The following MOCS2 variants were observed in gnomAD, a reference collection of about 807,000 sequenced individuals.
The protein encoded by MOCS2 is molybdenum cofactor synthesis 2.
A neutral mutation model predicts 21.9 loss-of-function variants in MOCS2; 13 were observed. The observed-to-expected ratio is 0.59, with a 90% CI of 0.39 to 0.94. The LOEUF (loss-of-function observed/expected upper bound fraction) is 0.94. MOCS2 is among the 40% of genes least tolerant of loss of function. MOCS2 has a pLI of 0.00. For missense variants in MOCS2, 227 were observed against 218.3 expected, an observed-to-expected ratio of 1.04 and a Z score of -0.25; for synonymous variants, 92 against 80.8, an observed-to-expected ratio of 1.14 and a Z score of -0.74.
chr5:53,096,283 T>G lies in MOCS2; in HGVS notation c.*2319A>C, dbSNP rs1296447236. ...ATACATCATATCCAAAGGACAAAAA[T>G]GTCCACAAAATAAGTCACTCATTGA... On this transcript the variant is annotated 3_prime_UTR_variant, in exon 7 of 7. Coordinates refer to ENST00000396954, the MANE Select transcript of MOCS2 (RefSeq NM_004531.5). 1 of 152,198 alleles carries G rather than the reference T, an allele frequency of 6.6e-6. No homozygotes were observed. Among genetic ancestry groups the G allele is most frequent in the Non-Finnish European group, 1.5e-5 (1 of 68,030 alleles). The allele number at this position is 152,198 out of a possible 1,614,324, so 9.4% of individuals were successfully genotyped here.
chr5:53,107,167 C>A lies in MOCS2; in HGVS notation c.8G>T (p.Ser3Ile). Reference protein sequence around the residue: MSSLEISSSCFSL... With the variant: MSILEISSSCFSL... ...GAAGCACGAGGAGCTGATCTCCAAG[C>A]TCGACATATTCTTGACGAACAGCAA... is the stretch of plus-strand genomic sequence containing the variant. The change falls in exon 3 of 7, where the codon AGC becomes ATC. Residue 3 changes from serine to isoleucine, a missense_variant. Coordinates refer to ENST00000396954, the MANE Select transcript of MOCS2 (RefSeq NM_004531.5). 1 of 1,614,108 alleles carries A rather than the reference C, an allele frequency of 6.2e-7. No homozygotes were observed.
rs1740765070 is a variant in MOCS2 at position 53,097,187 on chromosome 5, T to G, written c.*1415A>C. On this transcript the variant is annotated 3_prime_UTR_variant, in exon 7 of 7. Coordinates refer to ENST00000396954, the MANE Select transcript of MOCS2 (RefSeq NM_004531.5). Reference sequence around the variant, plus strand: ...CCCTTCCAGTATCCTTCTGGCCCAATCTCTCCAGACGGACTAATGAACAAG... The same window carrying G: ...CCCTTCCAGTATCCTTCTGGCCCAAGCTCTCCAGACGGACTAATGAACAAG... The G allele has an allele frequency of 6.6e-6, 1 of 152,180 alleles. No individual in the cohort carries two copies. The highest frequency in any genetic ancestry group is 1.5e-5 in the Non-Finnish European group (1 of 68,086). The allele number at this position is 152,180 out of a possible 1,614,324, so 9.4% of individuals were successfully genotyped here. A position where few individuals can be genotyped will look rare whatever the true frequency, so the allele number is the denominator to read the frequency against.
At chr5:53,107,611 C>G (rs1741088302) in intron 2 of MOCS2, 1 of 194,874 alleles carries the variant, frequency 5.1e-6, no homozygotes, top group African/African-American at 2.4e-5. Flanking sequence ...CAAACTATGC[C>G]TGTACACATT....
Position 53,097,102 on chromosome 5 carries a change from A to G in MOCS2, c.*1500T>C, listed in dbSNP as rs1740758129. Reference sequence around the variant, plus strand: ...AGAGTGACACTGAACTGTGAAGGTAAGGCTGAGACCAAACAGGCAACCCGA... The same window carrying G: ...AGAGTGACACTGAACTGTGAAGGTAGGGCTGAGACCAAACAGGCAACCCGA... On this transcript the variant is annotated 3_prime_UTR_variant, in exon 7 of 7. Transcript: ENST00000396954. The G allele has an allele frequency of 6.6e-6, 1 of 152,284 alleles. No homozygotes were observed. Among genetic ancestry groups the G allele is most frequent in the South Asian group, 2.1e-4 (1 of 4,826 alleles). The allele number at this position is 152,284 out of a possible 1,614,324, so 9.4% of individuals were successfully genotyped here.
intron 5 of MOCS2, 37 bp from the exon 6 acceptor site, chr5:53,100,571 T>C: frequency 6.2e-7 from 1 of 1,609,910 alleles, no homozygotes; most frequent in Non-Finnish European, 8.5e-7. Context: ...ATCACCATCA[T>C]CTCTGAATCT....
intron 3 of MOCS2, among the ~76,000 whole-genome samples, chr5:53,102,717 C>T (rs1036709822): frequency 6.6e-6 from 1 of 151,956 alleles, no homozygotes. Flanking sequence ...GAGGCCGAGG[C>T]GGGTGGATCA....
At chr5:53,098,760 C>CAA in intron 6 of MOCS2, 93 bp from the exon 7 acceptor site, 1 of 911,636 alleles carries the variant, frequency 1.1e-6, no homozygotes, top group Non-Finnish European at 1.8e-6. Flanking sequence ...ATGAATATCA[C>CAA]ATCTATTTCA....
chr5:53,106,019 T>C (rs1001567572), intron 3 of MOCS2, among the ~76,000 whole-genome samples: 3 of 152,128 alleles, frequency 2.0e-5, no homozygotes, highest in Non-Finnish European at 4.4e-5. Flanking sequence ...CCAACCACAA[T>C]GAGATACCAT....
At chr5:53,099,869 T>G (rs1422200366) in intron 6 of MOCS2, among the ~76,000 whole-genome samples, 1 of 152,190 alleles carries the variant, frequency 6.6e-6, no homozygotes, top group Non-Finnish European at 1.5e-5. Context: ...AGTTGGGCCT[T>G]TTCATCCCAT....
intron 3 of MOCS2, among the ~76,000 whole-genome samples, chr5:53,102,520 T>G (rs1740941891): frequency 6.6e-6 from 1 of 151,272 alleles, no homozygotes; most frequent in Admixed American, 6.6e-5. Context: ...TCACCAAGAA[T>G]TCTCACTGGC....
intron 3 of MOCS2, 80 bp downstream of exon 3, chr5:53,106,997 T>C (rs990355485): frequency 2.6e-6 from 4 of 1,517,166 alleles, no homozygotes; most frequent in South Asian, 1.2e-5. Flanking sequence ...AGAATATACA[T>C]TAACAGCAAA....
chr5:53,101,980 G>A, intron 4 of MOCS2, 117 bp downstream of exon 4: 1 of 1,072,106 alleles, frequency 9.3e-7, no homozygotes, highest in South Asian at 1.4e-5. Context: ...ACCATCATCG[G>A]TAATCTTGGT....
rs1740800527 is a variant in MOCS2 at position 53,098,218 on chromosome 5, C to T, written c.*384G>A. 3 of 212,540 alleles carry T rather than the reference C, an allele frequency of 1.4e-5. No homozygotes were observed. The highest frequency in any genetic ancestry group is 1.1e-4 in the East Asian group (1 of 9,440). 13.2% of individuals were successfully genotyped at this position (212,540 alleles called of 1,614,324 possible). A position where few individuals can be genotyped will look rare whatever the true frequency, so the allele number is the denominator to read the frequency against. ...CTTAATAACAATGCTCTCCCAGAAC[C>T]GGGATGGGGGGCGGTGAGGTGGGGT... On this transcript the variant is annotated 3_prime_UTR_variant, in exon 7 of 7. Coordinates refer to ENST00000396954, the MANE Select transcript of MOCS2 (RefSeq NM_004531.5).
rs1740751831 is a variant in MOCS2 at position 53,096,888 on chromosome 5, A to G, written c.*1714T>C. The G allele has an allele frequency of 1.3e-5, 2 of 152,242 alleles. No individual in the cohort carries two copies. The highest frequency in any genetic ancestry group is 2.9e-5 in the Non-Finnish European group (2 of 68,038). 9.4% of individuals were successfully genotyped at this position (152,242 alleles called of 1,614,324 possible). On this transcript the variant is annotated 3_prime_UTR_variant, in exon 7 of 7. Coordinates refer to ENST00000396954, the MANE Select transcript of MOCS2 (RefSeq NM_004531.5). ...TTCTAAAGAAATATCTAAGTAGGAA[A>G]GTCTTGAAATCCACATATACCTATC... is the stretch of plus-strand genomic sequence containing the variant.
At chr5:53,104,804 A>C (rs548709948) in intron 3 of MOCS2, among the ~76,000 whole-genome samples, 119 of 152,274 alleles carry the variant, frequency 7.8e-4, no homozygotes, top group Middle Eastern at 3.4e-3. Context: ...TATGATATTT[A>C]CTCCTGATTT....
At position 53,108,558 on chromosome 5, in the gene MOCS2, A is replaced by G; in HGVS notation, c.-84T>C. On this transcript the variant is annotated 5_prime_UTR_variant, in exon 2 of 7. Transcript: ENST00000396954. Reference sequence around the variant, plus strand: ...AGTTTCTATCTCCTTCCACAGCTGCAACGCTTTTATTTCTTGAGGCACAGA... The same window carrying G: ...AGTTTCTATCTCCTTCCACAGCTGCGACGCTTTTATTTCTTGAGGCACAGA... 2 of 1,613,722 alleles carry G rather than the reference A, an allele frequency of 1.2e-6. No individual in the cohort carries two copies. The highest frequency in any genetic ancestry group is 3.3e-5 in the Admixed American group (2 of 59,998).
At chr5:53,099,846 G>A (rs928925019) in intron 6 of MOCS2, among the ~76,000 whole-genome samples, 2 of 152,158 alleles carry the variant, frequency 1.3e-5, no homozygotes, top group South Asian at 4.2e-4. Context: ...CTACACCAGG[G>A]GAGAAACTAG....
chr5:53,102,141 T>C lies in MOCS2; in HGVS notation c.182A>G (p.Gln61Arg). 6.2e-7 allele frequency: 1 copy of C among 1,613,822 alleles called. No individual in the cohort carries two copies. Among genetic ancestry groups the C allele is most frequent in the African/African-American group, 1.3e-5 (1 of 75,034 alleles). ...ACCACAGAGCGGAGAAATCACCAAC[T>C]GTGAGACTTCATCTACTGAAAGTTT... is the stretch of plus-strand genomic sequence containing the variant. Reference protein sequence around the residue: ...AEKLSVDEVSQLVISPLCGAI... With the variant: ...AEKLSVDEVSRLVISPLCGAI... Residue 61 changes from glutamine to arginine, a missense_variant, in exon 4 of 7, where the codon CAG becomes CGG. Coordinates refer to ENST00000396954, the MANE Select transcript of MOCS2 (RefSeq NM_004531.5).
In MOCS2 at chr5:53,100,432, G is replaced by A; in HGVS notation, c.480C>T (p.Ala160=). The A allele has an allele frequency of 6.2e-7, 1 of 1,613,820 alleles. No individual in the cohort carries two copies. The highest frequency in any genetic ancestry group is 8.5e-7 in the Non-Finnish European group (1 of 1,179,814). The change falls in exon 6 of 7, where the codon GCC becomes GCT. Residue 160 remains alanine, a synonymous_variant. Coordinates refer to ENST00000396954, the MANE Select transcript of MOCS2 (RefSeq NM_004531.5). ...TTACCTTTTTCCATATGGGCACCTT[G>A]GCTTTTAAAGTATCAATGGCATAGC... ...AVSYAIDTLK[A]KVPIWKKEIY...
Sources: allele counts gnomAD v4.1 joint callset (sites outside exome capture counted in the v4.1 genomes callset), GRCh38; gene constraint gnomAD v4.1.1; transcripts MANE v1.5; gene names NCBI Gene and HGNC (gene_info 2026-07-23, HGNC 2026-07-21).